The following PAPPA2 variants were observed in gnomAD, a reference collection of about 807,000 sequenced individuals.
The protein encoded by PAPPA2 is pappalysin-2.
In PAPPA2, 86 loss-of-function variants were observed where a neutral mutation model predicts 176.4. The ratio of observed to expected loss-of-function variants is 0.49; its 90% confidence interval spans 0.41 to 0.58. The LOEUF is 0.58. Among genes scored for constraint, PAPPA2 ranks in the 20% least tolerant of loss-of-function variants. PAPPA2 has a pLI of 0.00. For synonymous variants in PAPPA2, 809 were observed against 852.2 expected (o/e 0.95, Z 0.88); for missense variants, 2,073 against 2,256.9 (o/e 0.92, Z 1.65).
chr1:176,643,304 TA>T (rs1657204446), intron 3 of PAPPA2, among the ~76,000 whole-genome samples: 1 of 151,872 alleles, frequency 6.6e-6, no homozygotes, highest in South Asian at 2.1e-4. Context: ...TCTAAAAACA[TA>T]ACTTAGTGTA....
intron 3 of PAPPA2, among the ~76,000 whole-genome samples, chr1:176,632,002 T>G (rs746577897): frequency 8.5e-5 from 13 of 152,252 alleles, no homozygotes; most frequent in Non-Finnish European, 1.8e-4. Flanking sequence ...GTTTGTAGCC[T>G]AGAAGTAGCA....
intron 17 of PAPPA2, among the ~76,000 whole-genome samples, chr1:176,771,607 G>A (rs571297061): frequency 1.4e-4 from 22 of 152,268 alleles, no homozygotes; most frequent in Admixed American, 5.9e-4. Flanking sequence ...AAAAATATCC[G>A]CCAGTTAGGG....
rs184001660 is a variant in PAPPA2 at position 176,545,051 on chromosome 1, G to A, written c.-916-10356G>A. 5.8e-4 allele frequency among the ~76,000 whole-genome samples: 89 copies of A among 152,210 alleles called. No homozygotes were observed. The East Asian group carries it at 0.013, about 22-fold the overall frequency. ...CTTCCTTTTGGGTTTTTATCTAGCCGTGATTGATTAAATCATTAGCCGTTG... is the reference window on the plus strand; with the variant it reads ...CTTCCTTTTGGGTTTTTATCTAGCCATGATTGATTAAATCATTAGCCGTTG... On this transcript the variant is annotated intron_variant, in intron 1 of 22. Coordinates refer to ENST00000367662, the MANE Select transcript of PAPPA2 (RefSeq NM_020318.3).
intron 15 of PAPPA2, among the ~76,000 whole-genome samples, chr1:176,766,370 A>G (rs927140062): frequency 1.9e-4 from 29 of 152,194 alleles, no homozygotes; most frequent in African/African-American, 6.8e-4. Context: ...CTACAGCACC[A>G]TTTTCAGAAT....
chr1:176,502,117 A>G (rs1038406695), intron 1 of PAPPA2, among the ~76,000 whole-genome samples: 4 of 152,314 alleles, frequency 2.6e-5, no homozygotes, highest in Admixed American at 2.6e-4. Context: ...CAATGAACAA[A>G]TCTTGCAAGT....
chr1:176,487,275 C>T (rs1194046016), intron 1 of PAPPA2, among the ~76,000 whole-genome samples: 6 of 152,164 alleles, frequency 3.9e-5, no homozygotes, highest in Non-Finnish European at 7.4e-5. Flanking sequence ...TCCATGTGCA[C>T]TCCTCTGAAA....
intron 18 of PAPPA2, among the ~76,000 whole-genome samples, chr1:176,790,757 T>TGCTA (rs1665140372): frequency 6.6e-6 from 1 of 152,196 alleles, no homozygotes; most frequent in South Asian, 2.1e-4. Flanking sequence ...TGAGAGTTAG[T>TGCTA]GCTACTCTCT....
intron 21 of PAPPA2, among the ~76,000 whole-genome samples, chr1:176,831,399 G>A (rs952004891): frequency 2.0e-5 from 3 of 152,198 alleles, no homozygotes; most frequent in Non-Finnish European, 4.4e-5. Flanking sequence ...GTTTTCAGTA[G>A]GGCCCTGTGC....
At chr1:176,473,402 TC>T (rs1284892748) in intron 1 of PAPPA2, among the ~76,000 whole-genome samples, 3 of 152,192 alleles carry the variant, frequency 2.0e-5, no homozygotes, top group Non-Finnish European at 2.9e-5. Flanking sequence ...TATCCTCTTG[TC>T]TGGATTTATC....
At chr1:176,799,535 G>A (rs1165602458) in intron 20 of PAPPA2, among the ~76,000 whole-genome samples, 1 of 152,142 alleles carries the variant, frequency 6.6e-6, no homozygotes, top group East Asian at 1.9e-4. Flanking sequence ...GAATTACAGA[G>A]TGCAATTTCA....
intron 21 of PAPPA2, among the ~76,000 whole-genome samples, chr1:176,829,513 G>C (rs1469258572): frequency 6.6e-6 from 1 of 152,204 alleles, no homozygotes; most frequent in Admixed American, 6.5e-5. Flanking sequence ...CTGGTCACCA[G>C]CTCAGGCCTG....
intron 3 of PAPPA2, among the ~76,000 whole-genome samples, chr1:176,665,442 A>G (rs2102764847): frequency 6.6e-6 from 1 of 152,240 alleles, no homozygotes; most frequent in South Asian, 2.1e-4. Flanking sequence ...GATGCAATCC[A>G]AGGCTGTAAA....
intron 21 of PAPPA2, among the ~76,000 whole-genome samples, chr1:176,809,598 A>G (rs775369350): frequency 1.3e-5 from 2 of 152,092 alleles, no homozygotes; most frequent in Non-Finnish European, 2.9e-5. Context: ...CTGCAACTCT[A>G]TGGGATGCAG....
At chr1:176,798,802 G>C (rs1282386994) in intron 20 of PAPPA2, among the ~76,000 whole-genome samples, 1 of 152,074 alleles carries the variant, frequency 6.6e-6, no homozygotes. Context: ...CTTAAGCCAA[G>C]TCACTTTCAA....
intron 2 of PAPPA2, among the ~76,000 whole-genome samples, chr1:176,574,719 A>C (rs1421878819): frequency 6.6e-6 from 1 of 152,242 alleles, no homozygotes; most frequent in East Asian, 1.9e-4. Context: ...CTTTTTCTGC[A>C]AGAAAATACA....
At chr1:176,616,816 A>G in intron 3 of PAPPA2, 1 of 714,842 alleles carries the variant, frequency 1.4e-6, no homozygotes. Context: ...AATACTCAAT[A>G]GGGTTATGAA....
In PAPPA2 at chr1:176,698,814, G is replaced by A. The variant is rs143121391; in HGVS notation, c.2747-286G>A. On this transcript the variant is annotated intron_variant, in intron 7 of 22. Transcript: ENST00000367662. ...TTAAGGACATGACTTCTCTGCATCA[G>A]CCTCATGTTTCCACCTAGGATCTGG... Among the ~76,000 whole-genome samples the A allele has an allele frequency of 1.2e-3, 180 of 152,272 alleles. 1 individual carries two copies. Among genetic ancestry groups the A allele is most frequent in the South Asian group, 3.9e-3 (19 of 4,816 alleles).
chr1:176,666,741 G>A (rs1285757550), intron 3 of PAPPA2, among the ~76,000 whole-genome samples: 3 of 151,876 alleles, frequency 2.0e-5, no homozygotes, highest in African/African-American at 7.3e-5. Flanking sequence ...GGAAATTGAG[G>A]TGAGAGGAGC....
chr1:176,739,659 A>G lies in PAPPA2; in HGVS notation c.3832A>G (p.Ile1278Val). 1 of 1,613,672 alleles carries G rather than the reference A, an allele frequency of 6.2e-7. No individual in the cohort carries two copies. Residue 1278 changes from isoleucine to valine, a missense_variant, in exon 13 of 23, where the codon ATT becomes GTT. Ile to Val is a conservative substitution (Grantham distance 29, BLOSUM62 3). Around this residue, in one of 4 missense-constraint regions of PAPPA2, gnomAD observed 846 missense variants for 857.9 expected, o/e 0.99. Transcript: ENST00000367662. The stretch of plus-strand genomic sequence containing the variant: ...CAATAGACCAGGAGAGGCCAGAGCA[A>G]TTTTTATTTTTTTGACAACTGATGG... ...CFNRPGEARA[I>V]FIFLTTDGLV...
Sources: allele counts gnomAD v4.1 joint callset (sites outside exome capture counted in the v4.1 genomes callset), GRCh38; gene constraint gnomAD v4.1.1; regional missense constraint gnomAD v4.1.1; transcripts MANE v1.5; gene names NCBI Gene and HGNC (gene_info 2026-07-23, HGNC 2026-07-21).